SCFD1: variants seen among roughly 807,000 people sequenced by gnomAD.
SCFD1 encodes sec1 family domain-containing protein 1.
A neutral mutation model predicts 103.2 loss-of-function variants in SCFD1; 37 were observed. The ratio of observed to expected loss-of-function variants is 0.36; its 90% CI spans 0.28 to 0.47. The LOEUF (loss-of-function observed/expected upper bound fraction) is 0.47, where lower values mean the gene tolerates loss of function less well. Among genes scored for constraint, SCFD1 ranks in the 20% least tolerant of loss-of-function variants. The probability of loss-of-function intolerance (pLI) is 1.00; values close to 1 mark genes in which losing one functional copy is unlikely to be tolerated. For synonymous variants in SCFD1, 264 were observed against 245.0 expected, an observed-to-expected ratio of 1.08 and a Z score of -0.73; for missense variants, 639 against 761.2, an observed-to-expected ratio of 0.84 and a Z score of 1.89.
At chr14:30,647,396 A>G (rs1244497203) in intron 7 of SCFD1, among the ~76,000 whole-genome samples, 1 of 151,790 alleles carries the variant, frequency 6.6e-6, no homozygotes, top group Admixed American at 6.6e-5. Flanking sequence ...CCTGAGCTCC[A>G]ATTTTTGATT....
At chr14:30,678,948 A>C (rs1348548535) in intron 14 of SCFD1, among the ~76,000 whole-genome samples, 1 of 152,242 alleles carries the variant, frequency 6.6e-6, no homozygotes, top group South Asian at 2.1e-4. Flanking sequence ...TCTGTACTCT[A>C]AAGAAGGCTT....
intron 23 of SCFD1, among the ~76,000 whole-genome samples, chr14:30,733,548 CCCCTGTGCTTATCT>C (rs1446786018): frequency 6.6e-6 from 1 of 152,166 alleles, no homozygotes; most frequent in Non-Finnish European, 1.5e-5. Context: ...GGCTACTGTA[CCCCTGTGCTTATCT>C]CCAAGAATAC....
chr14:30,656,545 C>T lies in SCFD1; in HGVS notation c.855+2957C>T, dbSNP rs150253790. Among the ~76,000 whole-genome samples, 379 of 152,176 alleles carry T rather than the reference C, an allele frequency of 2.5e-3. 4 individuals are homozygous for T. The highest frequency in any genetic ancestry group is 8.6e-3 in the African/African-American group (356 of 41,512). ...ACTCCCTCAGTTGTGACAATCAAAA[C>T]GTCTTACACACGCCAATTATACCCC... On this transcript the variant is annotated intron_variant, in intron 10 of 24. Coordinates refer to ENST00000458591, the MANE Select transcript of SCFD1 (RefSeq NM_016106.4).
chr14:30,684,285 A>G (rs1405798172), intron 14 of SCFD1, among the ~76,000 whole-genome samples: 1 of 152,200 alleles, frequency 6.6e-6, no homozygotes, highest in African/African-American at 2.4e-5. Flanking sequence ...AGCTGGGATT[A>G]CAGGTGCATG....
intron 14 of SCFD1, among the ~76,000 whole-genome samples, chr14:30,693,008 G>T (rs1179574986): frequency 3.3e-5 from 5 of 152,042 alleles, no homozygotes; most frequent in Admixed American, 3.3e-4. Flanking sequence ...ATTATTGGTA[G>T]GACTTTCTCA....
At chr14:30,702,930 C>T (rs574285086) in intron 17 of SCFD1, among the ~76,000 whole-genome samples, 1 of 151,836 alleles carries the variant, frequency 6.6e-6, no homozygotes, top group African/African-American at 2.4e-5. Context: ...TTAAAAGCAA[C>T]CTAAATGTCT....
chr14:30,671,043 C>CT (rs1164199659), intron 11 of SCFD1, among the ~76,000 whole-genome samples: 1 of 152,024 alleles, frequency 6.6e-6, no homozygotes, highest in Non-Finnish European at 1.5e-5. Flanking sequence ...AAAAAGAATA[C>CT]TGTTCATCAA....
chr14:30,639,735 A>G (rs1240775583), intron 5 of SCFD1, 42 bp from the exon 6 acceptor site: 1 of 1,516,478 alleles, frequency 6.6e-7, no homozygotes. Flanking sequence ...CAATATGGCT[A>G]TATTGTAAGA....
At chr14:30,648,326 A>G (rs980510852) in intron 7 of SCFD1, among the ~76,000 whole-genome samples, 1 of 152,232 alleles carries the variant, frequency 6.6e-6, no homozygotes, top group Non-Finnish European at 1.5e-5. Context: ...TATTTCCTAT[A>G]GAATCTAAAA....
In SCFD1 at chr14:30,705,885, G is replaced by C. The variant is rs1891434591; in HGVS notation, c.1553G>C (p.Gly518Ala). ...SYGSTTTKPM[G>A]LLSRVMNTGS... The stretch of plus-strand genomic sequence containing the variant: ...GGCAGCACTACCACTAAACCAATGG[G>C]GTAAGTATTTTTAATAATTCTTTTG... The change falls in exon 18 of 25, where the codon GGT becomes GCT. Residue 518 changes from glycine to alanine, a missense_variant and splice_region_variant. By Grantham distance (60) the Gly-to-Ala change is moderately conservative. Coordinates refer to ENST00000458591, the MANE Select transcript of SCFD1 (RefSeq NM_016106.4). 6.2e-7 allele frequency: 1 copy of C among 1,609,936 alleles called. No homozygotes were observed. Among genetic ancestry groups the C allele is most frequent in the African/African-American group, 1.3e-5 (1 of 74,704 alleles).
rs1444751780 is a variant in SCFD1 at position 30,683,225 on chromosome 14, A to G, written c.1242+8160A>G. 3 of 1,124,004 alleles carry G rather than the reference A, an allele frequency of 2.7e-6. No homozygotes were observed. In the Admixed American group the frequency reaches 6.2e-5, roughly 23 times the overall value. The allele number at this position is 1,124,004 out of a possible 1,614,324, so 69.6% of individuals were successfully genotyped here. On this transcript the variant is annotated intron_variant, in intron 14 of 24. Transcript: ENST00000458591. ...GAGAGCAGAATGGTCCTGATGTCAT[A>G]CAGGGCAGACCACTTGTCCTTCAGG...
At chr14:30,664,830 AG>A (rs1887788158) in intron 10 of SCFD1, among the ~76,000 whole-genome samples, 1 of 152,192 alleles carries the variant, frequency 6.6e-6, no homozygotes, top group Non-Finnish European at 1.5e-5. Flanking sequence ...TGAAACAAGA[AG>A]AGAAGTTTAG....
At chr14:30,721,829 T>C in intron 21 of SCFD1, 55 bp from the exon 22 acceptor site, 1 of 1,410,388 alleles carries the variant, frequency 7.1e-7, no homozygotes, top group Non-Finnish European at 1.0e-6. Flanking sequence ...ATACCTATTT[T>C]ATTCATAATA....
chr14:30,733,936 C>T (rs529182633), intron 23 of SCFD1, among the ~76,000 whole-genome samples: 5 of 152,256 alleles, frequency 3.3e-5, no homozygotes, highest in African/African-American at 1.2e-4. Flanking sequence ...ACTGTGACCT[C>T]TACCTTTAAT....
chr14:30,645,509 C>T (rs899360520), intron 7 of SCFD1, among the ~76,000 whole-genome samples: 4 of 151,674 alleles, frequency 2.6e-5, no homozygotes, highest in African/African-American at 7.3e-5. Flanking sequence ...GATTTCTTTT[C>T]GTTTCGTAAT....
At chr14:30,717,033 G>GTA (rs1281539509) in intron 20 of SCFD1, among the ~76,000 whole-genome samples, 1 of 152,126 alleles carries the variant, frequency 6.6e-6, no homozygotes, top group African/African-American at 2.4e-5. Flanking sequence ...CCTAAGAGAG[G>GTA]TATACATTCA....
intron 10 of SCFD1, among the ~76,000 whole-genome samples, chr14:30,661,311 G>C (rs1887431889): frequency 6.6e-6 from 1 of 152,142 alleles, no homozygotes; most frequent in South Asian, 2.1e-4. Flanking sequence ...CCAGATGACT[G>C]TTATGTAAAG....
rs1385615382 is a variant in SCFD1 at position 30,639,651 on chromosome 14, TTTAG to T, written c.436-122_436-119del. 4 of 997,614 alleles carry T rather than the reference TTTAG, an allele frequency of 4.0e-6. No homozygotes were observed. The African/African-American group carries it at 6.7e-5, about 17-fold the overall frequency. 61.8% of individuals were successfully genotyped at this position (997,614 alleles called of 1,614,324 possible). A position where few individuals can be genotyped will look rare whatever the true frequency, so the allele number is the denominator to read the frequency against. Reference sequence around the variant, plus strand: ...AATTAGGCTGTTACACAGTACAATTTTTAGTTATTGAATGTAATTAGGATTTTTT... The same window carrying T: ...AATTAGGCTGTTACACAGTACAATTTTTATTGAATGTAATTAGGATTTTTT... On this transcript the variant is annotated intron_variant, in intron 5 of 24. Coordinates refer to ENST00000458591, the MANE Select transcript of SCFD1 (RefSeq NM_016106.4).
chr14:30,732,582 C>G (rs944664619), intron 23 of SCFD1, among the ~76,000 whole-genome samples: 1 of 152,192 alleles, frequency 6.6e-6, no homozygotes, highest in African/African-American at 2.4e-5. Flanking sequence ...AGGTCTATGA[C>G]AGCCTTCCTC....
Sources: gnomAD v4.1 joint callset for allele counts (sites outside exome capture counted in the v4.1 genomes callset) on GRCh38, gnomAD v4.1.1 for gene constraint, MANE v1.5 for transcripts, NCBI Gene and HGNC (gene_info 2026-07-23, HGNC 2026-07-21) for gene names.